SLAMF1: variants seen among roughly 807,000 people sequenced by gnomAD.
The protein encoded by SLAMF1 is signaling lymphocytic activation molecule family member 1, also known as signaling lymphocytic activation molecule.
A neutral mutation model predicts 35.1 loss-of-function variants in SLAMF1; 18 were observed. The observed-to-expected ratio is 0.51, with a 90% CI of 0.35 to 0.76. The LOEUF (loss-of-function observed/expected upper bound fraction) is 0.76, where lower values mean the gene tolerates loss of function less well. Ranked by LOEUF, SLAMF1 falls within the 30% of genes least tolerant of loss-of-function variation. SLAMF1 has a pLI of 0.01. For missense variants in SLAMF1, 392 were observed against 413.0 expected (o/e 0.95, Z 0.44); for synonymous variants, 168 against 157.2 (o/e 1.07, Z -0.51).
chr1:160,612,702 G>C, intron 5 of SLAMF1, 122 bp from the exon 6 acceptor site: 1 of 614,364 alleles, frequency 1.6e-6, no homozygotes, highest in Non-Finnish European at 2.9e-6. Flanking sequence ...CAGTCATTTG[G>C]TCCAACCTCC....
chr1:160,624,139 G>T lies in SLAMF1; in HGVS notation c.747C>A (p.Ile249=). ...GTATTACCACCATGATGAGAATCAT[G>T]ATGACACCCCCTAACAGCCCAGCAT... The part of the protein sequence containing the change: ...AVYAGLLGGV[I]MILIMVVILQ... The change falls in exon 4 of 7, where the codon ATC becomes ATA. Residue 249 remains isoleucine, a synonymous_variant. Transcript: ENST00000302035. 6.2e-7 allele frequency: 1 copy of T among 1,611,006 alleles called. No individual in the cohort carries two copies. The highest frequency in any genetic ancestry group is 8.5e-7 in the Non-Finnish European group (1 of 1,178,950).
In SLAMF1 at chr1:160,610,745, G is replaced by A. The variant is rs1397338540; in HGVS notation, c.*3C>T. On this transcript the variant is annotated 3_prime_UTR_variant, in exon 7 of 7. Coordinates refer to ENST00000302035, the MANE Select transcript of SLAMF1 (RefSeq NM_003037.5). ...CAGAAAGTCCCTTTGTTGGTCTCTG[G>A]TGTCAGCTCTCTGGAAGTGTCACAC... is the stretch of plus-strand genomic sequence containing the variant. 12 of 1,609,662 alleles carry A rather than the reference G, an allele frequency of 7.5e-6. No homozygotes were observed. The highest frequency in any genetic ancestry group is 1.0e-5 in the Non-Finnish European group (12 of 1,176,120).
rs1009618959 is a variant in SLAMF1 at position 160,634,430 on chromosome 1, A to T, written c.700+183T>A. Reference sequence around the variant, plus strand: ...CGTCAACTGTGAACTGAGCATAAAAATGCCACCCTGGTCAATATGAGAGTG... The same window carrying T: ...CGTCAACTGTGAACTGAGCATAAAATTGCCACCCTGGTCAATATGAGAGTG... On this transcript the variant is annotated intron_variant, in intron 3 of 6. Transcript: ENST00000302035. 3.1e-6 allele frequency: 3 copies of T among 982,686 alleles called. No individual in the cohort carries two copies. The African/African-American group carries it at 5.2e-5, about 17-fold the overall frequency. The allele number at this position is 982,686 out of a possible 1,614,324, so 60.9% of individuals were successfully genotyped here. A position where few individuals can be genotyped will look rare whatever the true frequency, so the allele number is the denominator to read the frequency against.
chr1:160,630,023 A>G (rs1660085000), intron 3 of SLAMF1, among the ~76,000 whole-genome samples: 1 of 152,360 alleles, frequency 6.6e-6, no homozygotes, highest in African/African-American at 2.4e-5. Context: ...TCACTGAGCT[A>G]ACTCAGAGGT....
intron 2 of SLAMF1, among the ~76,000 whole-genome samples, chr1:160,635,203 C>T (rs1660373897): frequency 6.6e-6 from 1 of 152,228 alleles, no homozygotes; most frequent in Non-Finnish European, 1.5e-5. Context: ...TGTCTCCTAT[C>T]AGTGGAGTTT....
At chr1:160,641,878 A>G (rs1660767810) in intron 1 of SLAMF1, among the ~76,000 whole-genome samples, 1 of 152,204 alleles carries the variant, frequency 6.6e-6, no homozygotes, top group Non-Finnish European at 1.5e-5. Context: ...AGCTGTTAAC[A>G]CCAACTCACT....
intron 5 of SLAMF1, among the ~76,000 whole-genome samples, chr1:160,614,978 T>C (rs1260760845): frequency 6.6e-6 from 1 of 152,198 alleles, no homozygotes; most frequent in African/African-American, 2.4e-5. Context: ...CTGGAATTAA[T>C]TCTGCAAGAT....
Position 160,610,567 on chromosome 1 carries a change from G to A in SLAMF1, c.*181C>T, listed in dbSNP as rs778387007. 1.6e-6 allele frequency: 1 copy of A among 611,040 alleles called. No homozygotes were observed. Among genetic ancestry groups the A allele is most frequent in the East Asian group, 2.8e-5 (1 of 35,890 alleles). 37.9% of individuals were successfully genotyped at this position (611,040 alleles called of 1,614,324 possible). A position where few individuals can be genotyped will look rare whatever the true frequency, so the allele number is the denominator to read the frequency against. ...GCACAGCAAGCTAAATTCTTGGGAA[G>A]CCTCACTTCCTTGTTCATTTCACAG... On this transcript the variant is annotated 3_prime_UTR_variant, in exon 7 of 7. Coordinates refer to ENST00000302035, the MANE Select transcript of SLAMF1 (RefSeq NM_003037.5).
rs180940438 is a variant in SLAMF1 at position 160,642,876 on chromosome 1, G to A, written c.76+3994C>T. ...CTGCATTTGTGCCTCCTTCTAGAAC[G>A]CTCCTTCTCAAGTTCCATAAAAATC... On this transcript the variant is annotated intron_variant, in intron 1 of 6. Transcript: ENST00000302035. This position sits in a 1 kb window ranked among gnomAD's most constrained non-coding sequence, Gnocchi z 4.2. Among the ~76,000 whole-genome samples, 11 of 152,198 alleles carry A rather than the reference G, an allele frequency of 7.2e-5. No individual in the cohort carries two copies. Among genetic ancestry groups the A allele is most frequent in the African/African-American group, 2.4e-4 (10 of 41,502 alleles).
chr1:160,628,499 TTATAA>T (rs1402347531), intron 3 of SLAMF1, among the ~76,000 whole-genome samples: 4 of 152,236 alleles, frequency 2.6e-5, no homozygotes, highest in Non-Finnish European at 5.9e-5. Context: ...AGTTCCTTGA[TTATAA>T]TATGTTTCTT....
At chr1:160,611,270 A>G (rs923315536) in intron 6 of SLAMF1, among the ~76,000 whole-genome samples, 4 of 152,230 alleles carry the variant, frequency 2.6e-5, no homozygotes, top group Admixed American at 1.3e-4. Flanking sequence ...CTCTCATGTC[A>G]AAGAAACAAA....
intron 5 of SLAMF1, among the ~76,000 whole-genome samples, chr1:160,619,163 A>G (rs1659474036): frequency 6.6e-6 from 1 of 152,194 alleles, no homozygotes; most frequent in Non-Finnish European, 1.5e-5. Flanking sequence ...CAGTGTCTCT[A>G]CATCTAACCA....
intron 3 of SLAMF1, among the ~76,000 whole-genome samples, chr1:160,632,307 G>A (rs1039063645): frequency 1.3e-5 from 2 of 152,136 alleles, no homozygotes; most frequent in African/African-American, 4.8e-5. Flanking sequence ...GGATGAAACA[G>A]AGACCCAAGA....
rs561768857 is a variant in SLAMF1 at position 160,617,952 on chromosome 1, A to T, written c.864+1824T>A. Reference sequence around the variant, plus strand: ...GCTGGGTGTGGTGGCAGGTGCCTGTAATCTCAGCTACTTGGAAGGCTGAGG... The same window carrying T: ...GCTGGGTGTGGTGGCAGGTGCCTGTTATCTCAGCTACTTGGAAGGCTGAGG... On this transcript the variant is annotated intron_variant, in intron 5 of 6. Transcript: ENST00000302035. 7.4e-4 allele frequency among the ~76,000 whole-genome samples: 112 copies of T among 152,306 alleles called. 1 individual carries two copies. Among genetic ancestry groups the T allele is most frequent in the African/African-American group, 2.6e-3 (108 of 41,562 alleles).
chr1:160,622,834 T>A (rs144634084), intron 4 of SLAMF1, among the ~76,000 whole-genome samples: 1 of 152,252 alleles, frequency 6.6e-6, no homozygotes, highest in Non-Finnish European at 1.5e-5. Context: ...CAAAGAGTCA[T>A]GAAATTGAAA....
intron 1 of SLAMF1, among the ~76,000 whole-genome samples, chr1:160,646,526 G>T (rs1427197441): frequency 6.6e-6 from 1 of 152,132 alleles, no homozygotes; most frequent in African/African-American, 2.4e-5. Flanking sequence ...CTCTAGGCTG[G>T]GTCTTTGCCA....
intron 6 of SLAMF1, 59 bp from the exon 7 acceptor site, chr1:160,610,857 A>C (rs1305031926): frequency 3.1e-5 from 39 of 1,246,334 alleles, no homozygotes; most frequent in Non-Finnish European, 4.3e-5. Context: ...CACAGAATGC[A>C]AATGAAAACA....
At position 160,611,477 on chromosome 1, in the gene SLAMF1, G is replaced by A. The variant is rs535990822; in HGVS notation, c.958-679C>T. On this transcript the variant is annotated intron_variant, in intron 6 of 6. Transcript: ENST00000302035. ...AGATTGGTTTCATCTTGAAATATAG[G>A]GCACCTGCCCAGGCATTTCTGGATG... Among the ~76,000 whole-genome samples the A allele has an allele frequency of 2.1e-3, 320 of 152,200 alleles. 1 individual carries two copies. Among genetic ancestry groups the A allele is most frequent in the African/African-American group, 7.6e-3 (316 of 41,500 alleles).
chr1:160,623,710 C>T (rs1320951285), intron 4 of SLAMF1: 1 of 401,242 alleles, frequency 2.5e-6, no homozygotes, highest in Non-Finnish European at 4.4e-6. Flanking sequence ...TTCATTCTAA[C>T]CCTGGTGACT....
Sources: allele counts gnomAD v4.1 joint callset (sites outside exome capture counted in the v4.1 genomes callset), GRCh38; gene constraint gnomAD v4.1.1; non-coding constraint Gnocchi (gnomAD v3.1); transcripts MANE v1.5; gene names NCBI Gene and HGNC (gene_info 2026-07-23, HGNC 2026-07-21).